Variants in MGAT4C observed in about 807,000 individuals in gnomAD.
The protein encoded by MGAT4C is MGAT4 family member C.
In MGAT4C, 19 loss-of-function variants were observed where a neutral mutation model predicts 40.1. The ratio of observed to expected loss-of-function variants is 0.47; its 90% CI spans 0.33 to 0.70. MGAT4C has a LOEUF of 0.70. Among genes scored for constraint, MGAT4C ranks in the 30% least tolerant of loss-of-function variants. The pLI is 0.02. For missense variants in MGAT4C, 491 were observed against 563.2 expected (o/e 0.87, Z 1.30); for synonymous variants, 181 against 187.1 (o/e 0.97, Z 0.27).
intron 2 of MGAT4C, among the ~76,000 whole-genome samples, chr12:86,436,168 T>G (rs1480676248): frequency 6.6e-6 from 1 of 151,810 alleles, no homozygotes; most frequent in Non-Finnish European, 1.5e-5. Flanking sequence ...ATGGAGAGAT[T>G]TTTTCTTTTT....
Position 85,989,430 on chromosome 12 carries a change from C to A in MGAT4C, c.117G>T (p.Met39Ile). 3 of 1,607,120 alleles carry A rather than the reference C, an allele frequency of 1.9e-6. No homozygotes were observed. In the South Asian group the frequency reaches 3.4e-5, roughly 18 times the overall value. ...LGVLVIFLLF[M>I]NLYIEDSYVL... ...CATAGCTATCTTCAATGTACAAGTT[C>A]ATAAAAAGGAGAAAAATGACAAGAA... The change falls in exon 3 of 5, where the codon ATG becomes ATT. Residue 39 changes from methionine (M) to isoleucine (I), a missense_variant. Physicochemically the swap from Met to Ile is conservative, Grantham distance 10. Transcript: ENST00000611864.
chr12:86,096,484 T>G (rs1178626915), intron 1 of MGAT4C, among the ~76,000 whole-genome samples: 1 of 151,212 alleles, frequency 6.6e-6, no homozygotes, highest in Non-Finnish European at 1.5e-5. Flanking sequence ...CTAATTATCT[T>G]AATTGGTTGT....
rs1163667978 is a variant in MGAT4C, at chr12:86,408,471, C to CTA, written c.-120+26685_-120+26686insTA. 5.5e-5 allele frequency among the ~76,000 whole-genome samples: 6 copies of CTA among 109,426 alleles called. No homozygotes were observed. The East Asian group carries it at 8.5e-4, about 15-fold the overall frequency. 71.8% of individuals were successfully genotyped at this position (109,426 alleles called of 152,430 possible). ...AAACTCTCTCTCTCTCTCTCTCTCT[C>CTA]TCTCTCTCTATATATATATATATAT... On this transcript the variant is annotated intron_variant, in intron 3 of 7. Coordinates refer to the MGAT4C transcript ENST00000548651.
intron 4 of MGAT4C, among the ~76,000 whole-genome samples, chr12:86,316,697 T>C (rs1428244760): frequency 2.0e-5 from 3 of 152,152 alleles, no homozygotes; most frequent in East Asian, 1.9e-4. Flanking sequence ...CAATAGACAC[T>C]GGGGACTATT....
intron 2 of MGAT4C, among the ~76,000 whole-genome samples, chr12:86,552,683 C>T (rs1474742420): frequency 6.6e-6 from 1 of 151,852 alleles, no homozygotes. Flanking sequence ...ACAATCAATA[C>T]ATACAAAATA....
intron 2 of MGAT4C, among the ~76,000 whole-genome samples, chr12:86,561,678 T>A (rs1170604922): frequency 6.6e-6 from 1 of 152,130 alleles, no homozygotes; most frequent in African/African-American, 2.4e-5. Context: ...AGATTGTAGG[T>A]GGCCTATTGT....
chr12:86,016,252 C>T (rs1023298574), intron 2 of MGAT4C: 1 of 152,164 alleles, frequency 6.6e-6, no homozygotes, highest in Non-Finnish European at 1.5e-5. Flanking sequence ...GTTCCTGTGC[C>T]ATCAAGTTTT....
chr12:86,585,870 T>C (rs1487125295), intron 2 of MGAT4C, among the ~76,000 whole-genome samples: 2 of 151,440 alleles, frequency 1.3e-5, no homozygotes, highest in African/African-American at 4.8e-5. Flanking sequence ...TGACTAATAC[T>C]TTTTAAGCCC....
At position 85,961,755 on chromosome 12, in the gene MGAT4C, T is replaced by C. The variant is rs1883124974; in HGVS notation, c.*17534A>G. 1 of 151,880 alleles carries C rather than the reference T, an allele frequency of 6.6e-6. No individual in the cohort carries two copies. Among genetic ancestry groups the C allele is most frequent in the Non-Finnish European group, 1.5e-5 (1 of 67,786 alleles). The allele number at this position is 151,880 out of a possible 1,614,324, so 9.4% of individuals were successfully genotyped here. A position where few individuals can be genotyped will look rare whatever the true frequency, so the allele number is the denominator to read the frequency against. The stretch of plus-strand genomic sequence containing the variant: ...CCCACTTTGTATTATAATAGGCAAA[T>C]TGATACACACTTTTCATTTATTCTA... On this transcript the variant is annotated 3_prime_UTR_variant, in exon 5 of 5. Transcript: ENST00000611864.
At chr12:86,788,663 A>C (rs565088733) in intron 1 of MGAT4C, among the ~76,000 whole-genome samples, 35 of 152,190 alleles carry the variant, frequency 2.3e-4, no homozygotes, top group Non-Finnish European at 4.9e-4. Context: ...ACATTTTCAC[A>C]TAGGTGTTAG....
At chr12:85,984,685 A>G (rs1337059045) in intron 3 of MGAT4C, among the ~76,000 whole-genome samples, 1 of 152,174 alleles carries the variant, frequency 6.6e-6, no homozygotes, top group Non-Finnish European at 1.5e-5. Context: ...TTGGTAGAAT[A>G]CATTTGAGAA....
intron 3 of MGAT4C, among the ~76,000 whole-genome samples, chr12:86,377,943 A>T (rs1401717110): frequency 1.3e-5 from 2 of 152,188 alleles, no homozygotes; most frequent in Admixed American, 6.5e-5. Flanking sequence ...TACTTTATAT[A>T]AGTTGAATCA....
intron 2 of MGAT4C, 90 bp from the exon 3 acceptor site, chr12:85,989,642 T>C: frequency 2.5e-6 from 3 of 1,182,004 alleles, no homozygotes; most frequent in Admixed American, 2.9e-5. Context: ...CCTTGTAAAA[T>C]TTCATCTTTC....
intron 2 of MGAT4C, among the ~76,000 whole-genome samples, chr12:86,611,130 T>A (rs561760703): frequency 8.5e-5 from 13 of 152,180 alleles, no homozygotes; most frequent in Non-Finnish European, 1.8e-4. Context: ...TATTTGCTGA[T>A]GAAGGGATAT....
chr12:86,649,527 C>T (rs769384815), intron 2 of MGAT4C, among the ~76,000 whole-genome samples: 2 of 151,640 alleles, frequency 1.3e-5, no homozygotes, highest in African/African-American at 4.8e-5. Flanking sequence ...GTTCTTTATG[C>T]AGATATAAAA....
At chr12:86,608,178 C>T (rs142598616) in intron 2 of MGAT4C, among the ~76,000 whole-genome samples, 54 of 152,036 alleles carry the variant, frequency 3.6e-4, no homozygotes, top group African/African-American at 1.2e-3. Flanking sequence ...ATATATAAAC[C>T]TAATTATCAT....
At chr12:86,675,972 C>CA (rs56178472) in intron 2 of MGAT4C, among the ~76,000 whole-genome samples, 125,914 of 145,376 alleles carry the variant, frequency 0.87, 54,346 homozygotes, top group Non-Finnish European at 0.91. Flanking sequence ...GATAAAAAAG[C>CA]AAAAAAAAAA....
At chr12:86,742,660 G>C (rs143401604) in intron 1 of MGAT4C, among the ~76,000 whole-genome samples, 61 of 151,546 alleles carry the variant, frequency 4.0e-4, no homozygotes, top group African/African-American at 1.3e-3. Context: ...TTGAGCCATT[G>C]AGTTTCTGGA....
In MGAT4C at chr12:86,632,391, C is replaced by T. The variant is rs192136210; in HGVS notation, c.-229+94818G>A. On this transcript the variant is annotated intron_variant, in intron 2 of 7. Coordinates refer to the MGAT4C transcript ENST00000548651. ...GAACTAGAAATACCATTTGAACCAG[C>T]CATCCCATTACTGGGTATATACCCA... is the stretch of plus-strand genomic sequence containing the variant. Among the ~76,000 whole-genome samples, 373 of 152,214 alleles carry T rather than the reference C, an allele frequency of 2.5e-3. 2 individuals are homozygous for T. The highest frequency in any genetic ancestry group is 4.2e-3 in the Non-Finnish European group (285 of 68,012).
Sources: gnomAD v4.1 joint callset for allele counts (sites outside exome capture counted in the v4.1 genomes callset) on GRCh38, gnomAD v4.1.1 for gene constraint, MANE v1.5 for transcripts, NCBI Gene and HGNC (gene_info 2026-07-23, HGNC 2026-07-21) for gene names.